The following CDH12 variants were observed in gnomAD, a reference collection of about 807,000 sequenced individuals.
The protein encoded by CDH12 is cadherin 12.
CDH12 carries 41 observed loss-of-function variants against 74.1 expected under a neutral mutation model. That is an observed-to-expected ratio of 0.55 (90% CI 0.43 to 0.72). CDH12 has a LOEUF of 0.72. Ranked by LOEUF, CDH12 falls within the 30% of genes least tolerant of loss-of-function variation. The pLI is 0.00. For missense variants in CDH12, 945 were observed against 977.2 expected (o/e 0.97, Z 0.44); for synonymous variants, 399 against 355.0 (o/e 1.12, Z -1.39).
intron 4 of CDH12, among the ~76,000 whole-genome samples, chr5:22,132,875 C>T (rs1183534175): frequency 1.3e-5 from 2 of 152,086 alleles, no homozygotes; most frequent in Non-Finnish European, 2.9e-5. Flanking sequence ...TCCAAGGAGC[C>T]ACTGCCTCAC....
At chr5:22,360,822 A>G (rs1020338422) in intron 3 of CDH12, among the ~76,000 whole-genome samples, 1 of 152,212 alleles carries the variant, frequency 6.6e-6, no homozygotes, top group African/African-American at 2.4e-5. Flanking sequence ...AGAACCAAAG[A>G]CAAAAACCAC....
At chr5:21,771,943 T>C (rs13172717) in intron 11 of CDH12, among the ~76,000 whole-genome samples, 59,123 of 152,002 alleles carry the variant, frequency 0.39, 14,074 homozygotes, top group Non-Finnish European at 0.53. Context: ...GAGTCTGTTT[T>C]GTCATTCGTA....
chr5:22,115,780 C>T (rs1745056427), intron 4 of CDH12, among the ~76,000 whole-genome samples: 1 of 149,618 alleles, frequency 6.7e-6, no homozygotes. Flanking sequence ...AAACCTCTGC[C>T]TCCCGGGTTC....
intron 2 of CDH12, among the ~76,000 whole-genome samples, chr5:22,483,770 A>ATATATATATATATATATATATAT (rs1400461763): frequency 3.8e-3 from 386 of 100,892 alleles, no homozygotes; most frequent in Non-Finnish European, 4.5e-3. Context: ...ATATAAATTT[A>ATATATATATATATATATATATAT]ATTAATTGGG....
intron 5 of CDH12, among the ~76,000 whole-genome samples, chr5:22,076,576 A>G (rs771409691): frequency 2.6e-5 from 4 of 152,082 alleles, no homozygotes; most frequent in Non-Finnish European, 5.9e-5. Flanking sequence ...TTCCCCTTCC[A>G]TTTGTCTTGG....
intron 4 of CDH12, among the ~76,000 whole-genome samples, chr5:22,165,660 G>T (rs4309938): frequency 0.92 from 139,317 of 152,220 alleles, 63,770 homozygotes; most frequent in East Asian, 0.97. Context: ...CAAGACCTAC[G>T]GGGCTGCATC....
At chr5:22,364,305 A>C (rs1740942129) in intron 3 of CDH12, among the ~76,000 whole-genome samples, 1 of 128,122 alleles carries the variant, frequency 7.8e-6, no homozygotes, top group African/African-American at 2.5e-5. Flanking sequence ...GGAAGAAAAG[A>C]CAATGCTTTC....
intron 3 of CDH12, among the ~76,000 whole-genome samples, chr5:22,378,516 T>G (rs1741631210): frequency 6.6e-6 from 1 of 152,076 alleles, no homozygotes; most frequent in South Asian, 2.1e-4. Context: ...ATATAAACTT[T>G]TGGTTCAGAT....
chr5:22,820,308 A>T (rs1017257511), intron 1 of CDH12, among the ~76,000 whole-genome samples: 1 of 152,184 alleles, frequency 6.6e-6, no homozygotes, highest in Admixed American at 6.6e-5. Flanking sequence ...TTTGTCCCCA[A>T]CCGGATCTCA....
intron 3 of CDH12, among the ~76,000 whole-genome samples, chr5:22,340,715 T>C (rs1467119552): frequency 2.6e-5 from 4 of 152,180 alleles, no homozygotes; most frequent in African/African-American, 9.7e-5. Context: ...AATAATTCTG[T>C]TTTAAATCTT....
At chr5:22,149,280 A>T (rs1237636538) in intron 4 of CDH12, among the ~76,000 whole-genome samples, 1 of 152,224 alleles carries the variant, frequency 6.6e-6, no homozygotes, top group Non-Finnish European at 1.5e-5. Context: ...CTTGAGGGAC[A>T]CAAGTCTACC....
intron 10 of CDH12, 34 bp from the exon 11 acceptor site, chr5:21,783,528 T>C: frequency 6.5e-7 from 1 of 1,543,252 alleles, no homozygotes; most frequent in Non-Finnish European, 8.9e-7. Context: ...AAATGTGCAA[T>C]GATTACACAT....
chr5:22,516,971 CATT>C (rs1736838013), intron 1 of CDH12, among the ~76,000 whole-genome samples: 1 of 151,944 alleles, frequency 6.6e-6, no homozygotes, highest in Admixed American at 6.6e-5. Flanking sequence ...CAATGCAATA[CATT>C]AATCAGATTA....
chr5:22,504,075 C>G (rs1736285971), intron 2 of CDH12, among the ~76,000 whole-genome samples: 1 of 151,698 alleles, frequency 6.6e-6, no homozygotes, highest in Non-Finnish European at 1.5e-5. Flanking sequence ...AAATTTTCTA[C>G]AAAAAATGCA....
rs139017424 is a variant in CDH12, at chr5:22,136,419, C to T, written c.-186-57557G>A. On this transcript the variant is annotated intron_variant, in intron 4 of 14. Coordinates refer to ENST00000382254, the MANE Select transcript of CDH12 (RefSeq NM_004061.5). ...TGAGCTGTTACTTGTGTTGTGTCCC[C>T]AAATGAAACAGCTCATTCTAACATG... 6.4e-3 allele frequency among the ~76,000 whole-genome samples: 971 copies of T among 151,984 alleles called. 11 individuals carry two copies. Among genetic ancestry groups the T allele is most frequent in the African/African-American group, 0.022 (930 of 41,492 alleles).
intron 5 of CDH12, among the ~76,000 whole-genome samples, chr5:22,027,661 T>C (rs1206340861): frequency 1.3e-5 from 2 of 152,180 alleles, no homozygotes; most frequent in African/African-American, 4.8e-5. Flanking sequence ...AGTGGTGATA[T>C]CCCCTTTATC....
At chr5:22,836,208 T>TC (rs57641511) in intron 1 of CDH12, among the ~76,000 whole-genome samples, 1 of 109,936 alleles carries the variant, frequency 9.1e-6, no homozygotes, top group Non-Finnish European at 1.8e-5. Context: ...TTTTTTTCTT[T>TC]TTTTCTTTCT....
intron 4 of CDH12, among the ~76,000 whole-genome samples, chr5:22,160,761 A>G (rs948841073): frequency 1.3e-5 from 2 of 151,408 alleles, no homozygotes; most frequent in African/African-American, 4.9e-5. Flanking sequence ...CCTTGGGCCT[A>G]TATTATAAGG....
intron 6 of CDH12, among the ~76,000 whole-genome samples, chr5:21,915,231 G>A (rs1019119162): frequency 1.3e-5 from 2 of 152,148 alleles, no homozygotes; most frequent in African/African-American, 4.8e-5. Flanking sequence ...GACATTAGTA[G>A]GGGCTGGCAT....
Sources: allele counts gnomAD v4.1 joint callset (sites outside exome capture counted in the v4.1 genomes callset), GRCh38; gene constraint gnomAD v4.1.1; transcripts MANE v1.5; gene names NCBI Gene and HGNC (gene_info 2026-07-23, HGNC 2026-07-21).